The following FAT1 variants were observed in gnomAD, a reference collection of about 807,000 sequenced individuals.
The protein encoded by FAT1 is protocadherin Fat 1.
A neutral mutation model predicts 329.8 loss-of-function variants in FAT1; 171 were observed. The observed-to-expected ratio is 0.52, with a 90% CI of 0.46 to 0.59. FAT1 has a LOEUF of 0.59. Among genes scored for constraint, FAT1 ranks in the 20% least tolerant of loss-of-function variants. The probability of loss-of-function intolerance (pLI) is 0.00; values close to 1 mark genes in which losing one functional copy is unlikely to be tolerated. For synonymous variants in FAT1, 2,233 were observed against 2,228.6 expected, an observed-to-expected ratio of 1.00 and a Z score of -0.06; for missense variants, 5,672 against 5,774.4, an observed-to-expected ratio of 0.98 and a Z score of 0.57.
chr4:186,655,593 C>T (rs2126603380), intron 3 of FAT1, among the ~76,000 whole-genome samples: 1 of 152,210 alleles, frequency 6.6e-6, no homozygotes, highest in South Asian at 2.1e-4. Flanking sequence ...CACCACCACA[C>T]CCAGCTAATT....
chr4:186,689,586 A>G (rs1743647204), intron 2 of FAT1, among the ~76,000 whole-genome samples: 1 of 147,392 alleles, frequency 6.8e-6, no homozygotes, highest in African/African-American at 2.7e-5. Context: ...CTTCACTGTA[A>G]TATTTTTAAA....
intron 14 of FAT1, among the ~76,000 whole-genome samples, chr4:186,610,661 A>T (rs1164311053): frequency 8.9e-4 from 75 of 83,846 alleles, no homozygotes; most frequent in Admixed American, 2.3e-3. Flanking sequence ...ATAAATATAA[A>T]TTATATAATT....
At chr4:186,693,298 G>A (rs1048062170) in intron 2 of FAT1, among the ~76,000 whole-genome samples, 4 of 152,164 alleles carry the variant, frequency 2.6e-5, no homozygotes, top group Non-Finnish European at 5.9e-5. Flanking sequence ...AGTGCCTCTG[G>A]AAGTAGGAAC....
At chr4:186,617,370 C>G (rs528887098) in intron 10 of FAT1, among the ~76,000 whole-genome samples, 169 bp from the exon 11 acceptor site, 209 of 152,282 alleles carry the variant, frequency 1.4e-3, no homozygotes, top group African/African-American at 4.8e-3. Flanking sequence ...AAAACAAGGG[C>G]AGCATTAAAA....
intron 17 of FAT1, among the ~76,000 whole-genome samples, 169 bp from the exon 18 acceptor site, chr4:186,604,743 G>A (rs1460930715): frequency 6.6e-6 from 1 of 151,938 alleles, no homozygotes; most frequent in Non-Finnish European, 1.5e-5. Context: ...GTGGTGAGGA[G>A]GAGGGAAAGG....
chr4:186,664,543 A>G (rs1392536238), intron 2 of FAT1, among the ~76,000 whole-genome samples: 2 of 152,246 alleles, frequency 1.3e-5, no homozygotes, highest in East Asian at 3.8e-4. Context: ...ATGAAATTAT[A>G]TGATTACAAA....
chr4:186,626,080 T>C (rs77868552), intron 9 of FAT1, among the ~76,000 whole-genome samples: 25 of 98,352 alleles, frequency 2.5e-4, no homozygotes, highest in Admixed American at 3.4e-4. Context: ...TTCATCAGCC[T>C]ACAGAATGAA....
chr4:186,655,464 T>C (rs745307233), intron 3 of FAT1, among the ~76,000 whole-genome samples: 14 of 151,178 alleles, frequency 9.3e-5, no homozygotes, highest in Non-Finnish European at 2.1e-4. Context: ...TGAGATGCAA[T>C]CTCACTGTTG....
intron 9 of FAT1, among the ~76,000 whole-genome samples, chr4:186,622,939 T>C (rs1192287735): frequency 6.6e-6 from 1 of 152,240 alleles, no homozygotes; most frequent in Non-Finnish European, 1.5e-5. Flanking sequence ...GAGTGTGGCA[T>C]TTCACAGACC....
At chr4:186,675,102 T>C (rs896597561) in intron 2 of FAT1, among the ~76,000 whole-genome samples, 6 of 152,074 alleles carry the variant, frequency 3.9e-5, no homozygotes, top group African/African-American at 1.4e-4. Flanking sequence ...TGTAAGTAGG[T>C]ATATGGCATT....
rs372906523 is a variant in FAT1, at chr4:186,707,592, T to C, written c.2236A>G (p.Thr746Ala). Residue 746 changes from threonine (T) to alanine (A), a missense_variant, in exon 2 of 27, where the codon ACT (threonine) becomes GCT (alanine). Physicochemically the swap from Thr to Ala is moderately conservative, Grantham distance 58. Around this residue, in one of 2 missense-constraint regions of FAT1, gnomAD observed 3,966 missense variants for 3,915.2 expected, o/e 1.01. Transcript: ENST00000441802. ...VIFMNSTDLD[T>A]GFNGKLVYAV... is the part of the protein sequence containing the mutation. ...TAGACCAGTTTTCCATTGAAGCCAG[T>C]GTCAAGGTCAGTGGAGTTCATGAAA... 1,316 of 1,614,008 alleles carry C rather than the reference T, an allele frequency of 8.2e-4. 15 individuals are homozygous for C. In the South Asian group the frequency reaches 9.1e-3, roughly 11 times the overall value.
rs756393716 is a variant in FAT1, at chr4:186,619,180, T to C, written c.7406A>G (p.Asp2469Gly). 1 of 1,613,966 alleles carries C rather than the reference T, an allele frequency of 6.2e-7. No individual in the cohort carries two copies. The highest frequency in any genetic ancestry group is 8.5e-7 in the Non-Finnish European group (1 of 1,179,896). Reference protein sequence around the residue: ...PFYSLNLSVSDGVFRSSTQVH... With the variant: ...PFYSLNLSVSGGVFRSSTQVH... ...CTGGGTGGAACTTCTAAAAACTCCATCAGACACTGACAGGTTAAGACTGTA... is the reference window on the plus strand; with the variant it reads ...CTGGGTGGAACTTCTAAAAACTCCACCAGACACTGACAGGTTAAGACTGTA... Residue 2469 changes from aspartate (D) to glycine (G), a missense_variant, in exon 10 of 27, where the codon GAT becomes GGT. By Grantham distance (94) the Asp-to-Gly change is moderately conservative. This residue lies in a region of FAT1 where 3,966 missense variants were observed against 3,915.2 expected (regional missense o/e 1.01). Transcript: ENST00000441802.
At chr4:186,698,107 T>C (rs1329096546) in intron 2 of FAT1, among the ~76,000 whole-genome samples, 1 of 152,152 alleles carries the variant, frequency 6.6e-6, no homozygotes, top group Non-Finnish European at 1.5e-5. Context: ...TTACAATCTA[T>C]TTGCTCACAA....
chr4:186,597,271 G>C (rs780327089), intron 24 of FAT1, 100 bp from the exon 25 acceptor site: 3 of 1,268,424 alleles, frequency 2.4e-6, no homozygotes, highest in Non-Finnish European at 3.2e-6. Context: ...TCCTTGATGA[G>C]CTATGTGAAG....
At chr4:186,718,701 C>A (rs1399108436) in intron 1 of FAT1, among the ~76,000 whole-genome samples, 1 of 152,066 alleles carries the variant, frequency 6.6e-6, no homozygotes, top group Admixed American at 6.6e-5. Context: ...AAATAAACTT[C>A]ATTCAAACCT....
intron 2 of FAT1, among the ~76,000 whole-genome samples, chr4:186,664,941 T>C (rs1178406878): frequency 1.3e-5 from 2 of 152,240 alleles, no homozygotes; most frequent in Admixed American, 1.3e-4. Flanking sequence ...AAATACACTG[T>C]TGCAATTCGT....
At chr4:186,645,765 G>C (rs1560962838) in intron 3 of FAT1, among the ~76,000 whole-genome samples, 1 of 151,550 alleles carries the variant, frequency 6.6e-6, no homozygotes, top group Non-Finnish European at 1.5e-5. Flanking sequence ...GGTCAACATG[G>C]AGAAACCCCA....
rs2126555874 is a variant in FAT1 at position 186,633,712 on chromosome 4, G to A, written c.4295C>T (p.Thr1432Ile). 1 of 1,613,954 alleles carries A rather than the reference G, an allele frequency of 6.2e-7. No individual in the cohort carries two copies. Among genetic ancestry groups the A allele is most frequent in the Non-Finnish European group, 8.5e-7 (1 of 1,179,880 alleles). Residue 1432 changes from threonine (T) to isoleucine (I), a missense_variant, in exon 7 of 27, where the codon ACA becomes ATA. Around this residue, in one of 2 missense-constraint regions of FAT1, gnomAD observed 3,966 missense variants for 3,915.2 expected, o/e 1.01. Transcript: ENST00000441802. ...KSNYNLTVEA[T>I]DGTTTILTQV... is the part of the protein sequence containing the mutation. ...AGTGAGGATAGTGGTGGTTCCATCTGTAGCCTCGACTGTGAGGTTGTAGTT... is the reference window on the plus strand; with the variant it reads ...AGTGAGGATAGTGGTGGTTCCATCTATAGCCTCGACTGTGAGGTTGTAGTT...
chr4:186,709,312 G>A lies in FAT1; in HGVS notation c.516C>T (p.Ser172=), dbSNP rs548372738. 24 of 1,613,908 alleles carry A rather than the reference G, an allele frequency of 1.5e-5. No homozygotes were observed. The highest frequency in any genetic ancestry group is 8.9e-5 in the East Asian group (4 of 44,868). ...TAIRTSIARV[S]ATDADIGTNG... ...TGGTTCCTATGTCTGCATCCGTGGC[G>A]CTGACTCTTGCGATACTGGTCCTTA... Residue 172 remains serine (S), a synonymous_variant, in exon 2 of 27, where the codon AGC becomes AGT. Coordinates refer to ENST00000441802, the MANE Select transcript of FAT1 (RefSeq NM_005245.4).
Sources: allele counts gnomAD v4.1 joint callset (sites outside exome capture counted in the v4.1 genomes callset), GRCh38; gene constraint gnomAD v4.1.1; regional missense constraint gnomAD v4.1.1; transcripts MANE v1.5; gene names NCBI Gene and HGNC (gene_info 2026-07-23, HGNC 2026-07-21).